TRIM14: variants seen among roughly 807,000 people sequenced by gnomAD.
The protein encoded by TRIM14 is tripartite motif-containing protein 14.
Under a neutral mutation model 44.5 loss-of-function variants are expected in TRIM14, and 28 were observed. The ratio of observed to expected loss-of-function variants is 0.63; its 90% CI spans 0.47 to 0.86. The LOEUF is 0.86. Ranked by LOEUF, TRIM14 falls within the 40% of genes least tolerant of loss-of-function variation. The pLI, the probability that TRIM14 is intolerant of heterozygous loss-of-function variation, is 0.00. For missense variants in TRIM14, 607 were observed against 611.1 expected (o/e 0.99, Z 0.07); for synonymous variants, 299 against 269.2 (o/e 1.11, Z -1.08).
Position 98,087,373 on chromosome 9 carries a change from A to G in TRIM14, c.*97T>C, listed in dbSNP as rs776138691. The G allele has an allele frequency of 1.3e-6, 2 of 1,564,148 alleles. No homozygotes were observed. Among genetic ancestry groups the G allele is most frequent in the Non-Finnish European group, 1.8e-6 (2 of 1,135,128 alleles). On this transcript the variant is annotated 3_prime_UTR_variant, in exon 6 of 6. Coordinates refer to ENST00000341469, the MANE Select transcript of TRIM14 (RefSeq NM_014788.4). ...CTGGGGCAGGGAGAGGGCCCTAAGA[A>G]GCAGGCAGTAAGGGGACCAGCCACG...
At chr9:98,048,921 G>A in the TRIM14 span, among the ~76,000 whole-genome samples, 1 of 151,368 alleles carries the variant, frequency 6.6e-6, no homozygotes, top group Non-Finnish European at 1.5e-5. Context: ...CCTGGGAGGC[G>A]AGACAGGAGA....
chr9:98,046,280 G>A, the TRIM14 span, among the ~76,000 whole-genome samples: 2 of 152,108 alleles, frequency 1.3e-5, no homozygotes, highest in Admixed American at 1.3e-4. Context: ...TAGGGCCCTG[G>A]AAGCAGCGAA....
rs1007130141 is a variant in TRIM14 at position 98,087,997 on chromosome 9, T to A, written c.802A>T (p.Thr268Ser). 4 of 1,540,198 alleles carry A rather than the reference T, an allele frequency of 2.6e-6. No individual in the cohort carries two copies. In the African/African-American group the frequency reaches 5.7e-5, roughly 22 times the overall value. ...ERSLLLKYAR[T>S]PTLDPDTMHA... Reference sequence around the variant, plus strand: ...ATCGTGTCAGGATCCAGCGTGGGCGTGCGCGCGTCTGCAGGGGGCGAGACA... The same window carrying A: ...ATCGTGTCAGGATCCAGCGTGGGCGAGCGCGCGTCTGCAGGGGGCGAGACA... The change falls in exon 6 of 6, where the codon ACG becomes TCG. Residue 268 changes from threonine (T) to serine (S), a missense_variant. Thr to Ser is a moderately conservative substitution (Grantham distance 58, BLOSUM62 1). Coordinates refer to ENST00000341469, the MANE Select transcript of TRIM14 (RefSeq NM_014788.4).
chr9:98,091,972 T>C lies in TRIM14; in HGVS notation c.730A>G (p.Ser244Gly). 2 of 1,610,962 alleles carry C rather than the reference T, an allele frequency of 1.2e-6. No individual in the cohort carries two copies. The highest frequency in any genetic ancestry group is 1.7e-6 in the Non-Finnish European group (2 of 1,177,792). ...TTCAACAAGGTACCTGGCTTGGTGC[T>C]GGAAGGGTCTGAGAGCTGGCAGTTT... ...SINCQLSDPS[S>G]TKPGTLLKTS... Residue 244 changes from serine (S) to glycine (G), a missense_variant, in exon 5 of 6, where the codon AGC becomes GGC. By Grantham distance (56) the Ser-to-Gly change is moderately conservative (BLOSUM62 0). Coordinates refer to ENST00000341469, the MANE Select transcript of TRIM14 (RefSeq NM_014788.4).
chr9:98,059,329 AAGT>A, the TRIM14 span, among the ~76,000 whole-genome samples: 1 of 152,116 alleles, frequency 6.6e-6, no homozygotes, highest in Non-Finnish European at 1.5e-5. Context: ...GGCAGCCAAG[AAGT>A]TTTTAATAGC....
At chr9:98,063,511 G>C in the TRIM14 span, among the ~76,000 whole-genome samples, 1 of 152,070 alleles carries the variant, frequency 6.6e-6, no homozygotes, top group Non-Finnish European at 1.5e-5. Context: ...CAAAGTGCTG[G>C]GATTACAGGT....
At chr9:98,088,064 C>T in intron 5 of TRIM14, 59 bp from the exon 6 acceptor site, 3 of 1,388,234 alleles carry the variant, frequency 2.2e-6, no homozygotes, top group Non-Finnish European at 2.8e-6. Context: ...GCGCCCCGCC[C>T]CCGGGAACCC....
chr9:98,080,896 G>A (rs374656906), downstream of TRIM14: 1,079 of 1,614,182 alleles, frequency 6.7e-4, 10 homozygotes, highest in South Asian at 0.01. Flanking sequence ...TGGCCGCAGT[G>A]GCTCTGGGGG....
At chr9:98,076,961 A>G (rs777787331) in intron 6 of TRIM14, 15 of 1,611,908 alleles carry the variant, frequency 9.3e-6, no homozygotes, top group Admixed American at 1.7e-5. Flanking sequence ...CCATTTTTCA[A>G]AGTTGGATCT....
downstream of TRIM14, chr9:98,082,901 T>C (rs1466841369): frequency 6.2e-7 from 1 of 1,614,034 alleles, no homozygotes; most frequent in African/African-American, 1.3e-5. Context: ...ATTCTAACAA[T>C]GGACATGCTC....
chr9:98,099,870 ATACTTGAGATGAAGTGTGGGTGGCAGG>A, intron 3 of TRIM14, 34 bp downstream of exon 3: 1 of 1,467,484 alleles, frequency 6.8e-7, no homozygotes, highest in Non-Finnish European at 9.5e-7. Context: ...CAATGCCACA[ATACTTGAGATGAAGTGTGGGTGGCAGG>A]TGGCAGCAGT....
chr9:98,077,010 CA>C (rs749960926), intron 6 of TRIM14: 4 of 1,599,914 alleles, frequency 2.5e-6, no homozygotes, highest in South Asian at 1.1e-5. Flanking sequence ...AAAAGACAGC[CA>C]AAAAAGGTAA....
chr9:98,072,559 C>T (rs1236783327), intron 6 of TRIM14, among the ~76,000 whole-genome samples: 1 of 152,006 alleles, frequency 6.6e-6, no homozygotes, highest in African/African-American at 2.4e-5. Context: ...TACAGGTGCC[C>T]GCTACCATGC....
In TRIM14 at chr9:98,084,977, A is replaced by G. The variant is rs2118119666; in HGVS notation, c.*2493T>C. The G allele has an allele frequency of 6.6e-6, 1 of 152,320 alleles. No individual in the cohort carries two copies. Among genetic ancestry groups the G allele is most frequent in the East Asian group, 1.9e-4 (1 of 5,190 alleles). 9.4% of individuals were successfully genotyped at this position (152,320 alleles called of 1,614,324 possible). A position where few individuals can be genotyped will look rare whatever the true frequency, so the allele number is the denominator to read the frequency against. On this transcript the variant is annotated 3_prime_UTR_variant, in exon 6 of 6. Coordinates refer to ENST00000341469, the MANE Select transcript of TRIM14 (RefSeq NM_014788.4). ...AAAAGTGACTAGCCCTGGTCACACA[A>G]TTGATATGGACTGAAACTGCCGCTT...
chr9:98,056,646 G>C, the TRIM14 span: 32 of 1,096,142 alleles, frequency 2.9e-5, no homozygotes, highest in Admixed American at 6.5e-5. Context: ...TGGCTGTCGG[G>C]AGAGAGGCGG....
At chr9:98,042,945 G>C in the TRIM14 span, among the ~76,000 whole-genome samples, 2 of 151,196 alleles carry the variant, frequency 1.3e-5, no homozygotes, top group African/African-American at 4.9e-5. Flanking sequence ...TTTTGATAAA[G>C]TATTTGATTT....
chr9:98,086,688 G>A lies in TRIM14; in HGVS notation c.*782C>T, dbSNP rs142525398. ...GCATGAATGTGCTGGCAGCAGAGAG[G>A]TGTGGAGGTGGAACTATGCGACACA... On this transcript the variant is annotated 3_prime_UTR_variant, in exon 6 of 6. Transcript: ENST00000341469. 6.6e-6 allele frequency: 1 copy of A among 152,402 alleles called. No homozygotes were observed. Among genetic ancestry groups the A allele is most frequent in the Non-Finnish European group, 1.5e-5 (1 of 68,086 alleles). The allele number at this position is 152,402 out of a possible 1,614,324, so 9.4% of individuals were successfully genotyped here.
At chr9:98,056,995 G>T in the TRIM14 span, 3 of 1,501,664 alleles carry the variant, frequency 2.0e-6, no homozygotes, top group East Asian at 7.5e-5. Context: ...GGCGGGGCGG[G>T]GCCGCGGGGA....
the TRIM14 span, chr9:98,061,306 A>C: frequency 3.4e-6 from 1 of 296,538 alleles, no homozygotes; most frequent in Non-Finnish European, 6.6e-6. Context: ...GTGAAACCCC[A>C]TCTCTACTAA....
Sources: allele counts gnomAD v4.1 joint callset (sites outside exome capture counted in the v4.1 genomes callset), GRCh38; gene constraint gnomAD v4.1.1; transcripts MANE v1.5; gene names NCBI Gene and HGNC (gene_info 2026-07-23, HGNC 2026-07-21).